MPP7: variants seen among roughly 807,000 people sequenced by gnomAD.
MPP7 encodes MAGUK p55 subfamily member 7.
MPP7 carries 60 observed loss-of-function variants against 76.5 expected under a neutral mutation model. The ratio of observed to expected loss-of-function variants is 0.78; its 90% CI spans 0.64 to 0.97. The LOEUF (loss-of-function observed/expected upper bound fraction) is 0.97, where lower values mean the gene tolerates loss of function less well. Ranked by LOEUF, MPP7 falls within the 50% of genes least tolerant of loss-of-function variation. The pLI is 0.00. For missense variants in MPP7, 641 were observed against 694.0 expected (o/e 0.92, Z 0.86); for synonymous variants, 237 against 244.5 (o/e 0.97, Z 0.29).
rs1404883423 is a variant in MPP7, at chr10:28,120,640, T to C, written c.644A>G (p.Lys215Arg). 3 of 1,613,688 alleles carry C rather than the reference T, an allele frequency of 1.9e-6. No homozygotes were observed. Among genetic ancestry groups the C allele is most frequent in the Non-Finnish European group, 2.5e-6 (3 of 1,179,854 alleles). Residue 215 changes from lysine to arginine, a missense_variant, in exon 9 of 17, where the codon AAG (lysine) becomes AGG (arginine). Coordinates refer to ENST00000683449, the MANE Select transcript of MPP7 (RefSeq NM_001318170.2). ...CTCCTCTTTGCTGCCGGGTATAATCTTAAATGTAATTGCTCCCTGAGACTG... is the reference window on the plus strand; with the variant it reads ...CTCCTCTTTGCTGCCGGGTATAATCCTAAATGTAATTGCTCCCTGAGACTG... ...LAQSQGAITF[K>R]IIPGSKEETP...
chr10:28,309,303 A>C (rs919940713), intron 2 of MPP7, among the ~76,000 whole-genome samples: 24 of 151,750 alleles, frequency 1.6e-4, no homozygotes, highest in African/African-American at 5.3e-4. Flanking sequence ...AGTCCCAGCT[A>C]CTCAGGAGGC....
In MPP7 at chr10:28,123,394, G is replaced by C. The variant is rs200437390; in HGVS notation, c.615+637C>G. ...CAATGGGAGGAAGACAAAGATAAAT[G>C]CATCACCAGCCACAGTGTAGATGCC... is the stretch of plus-strand genomic sequence containing the variant. On this transcript the variant is annotated intron_variant, in intron 8 of 16. Coordinates refer to ENST00000683449, the MANE Select transcript of MPP7 (RefSeq NM_001318170.2). Among the ~76,000 whole-genome samples the C allele has an allele frequency of 4.0e-5, 6 of 151,468 alleles. No individual in the cohort carries two copies. The East Asian group carries it at 1.2e-3, about 29-fold the overall frequency.
At chr10:28,317,187 T>C (rs1345950196) in intron 2 of MPP7, among the ~76,000 whole-genome samples, 1 of 152,178 alleles carries the variant, frequency 6.6e-6, no homozygotes, top group Admixed American at 6.5e-5. Flanking sequence ...AAAGCTTCTA[T>C]GCTAATCCCA....
rs867019253 is a variant in MPP7 at position 28,199,020 on chromosome 10, T to C, written c.156+3133A>G. On this transcript the variant is annotated intron_variant, in intron 3 of 16. Coordinates refer to ENST00000683449, the MANE Select transcript of MPP7 (RefSeq NM_001318170.2). ...TAATGGACTCACAGTTCCATGCGGC[T>C]GGGGAAGCATCACACTCATGGCAGA... Among the ~76,000 whole-genome samples, 6 of 152,284 alleles carry C rather than the reference T, an allele frequency of 3.9e-5. 1 individual carries two copies. Among genetic ancestry groups the C allele is most frequent in the Middle Eastern group, 6.8e-3 (2 of 294 alleles).
intron 11 of MPP7, among the ~76,000 whole-genome samples, chr10:28,098,601 CAAATG>C (rs1424570573): frequency 4.6e-5 from 7 of 151,222 alleles, no homozygotes; most frequent in Admixed American, 3.9e-4. Context: ...GAACCAACAA[CAAATG>C]AAATGAACAA....
At chr10:28,278,677 A>G (rs144304579) in intron 1 of MPP7, among the ~76,000 whole-genome samples, 2 of 152,202 alleles carry the variant, frequency 1.3e-5, no homozygotes, top group East Asian at 3.9e-4. Context: ...ATATTCATAT[A>G]TAGTAAAAGT....
intron 2 of MPP7, among the ~76,000 whole-genome samples, chr10:28,313,589 A>T (rs1462964760): frequency 6.6e-6 from 1 of 152,216 alleles, no homozygotes; most frequent in East Asian, 1.9e-4. Context: ...GATATACATA[A>T]TATAGCTGAA....
intron 11 of MPP7, chr10:28,119,187 A>C (rs2133601695): frequency 2.5e-6 from 1 of 395,492 alleles, no homozygotes; most frequent in Admixed American, 6.4e-5. Flanking sequence ...GGATAGGCTA[A>C]AGGTCAGAAG....
At chr10:28,154,865 G>A (rs560378610) in intron 3 of MPP7, among the ~76,000 whole-genome samples, 315 of 151,858 alleles carry the variant, frequency 2.1e-3, no homozygotes, top group African/African-American at 7.3e-3. Context: ...ACAATTATGA[G>A]AGCTGCCATT....
chr10:28,247,490 T>G (rs1333116492), intron 1 of MPP7, among the ~76,000 whole-genome samples: 3 of 152,180 alleles, frequency 2.0e-5, no homozygotes, highest in Non-Finnish European at 4.4e-5. Flanking sequence ...CAGACAGTGA[T>G]AAAAGGAAAT....
rs565102774 is a variant in MPP7, at chr10:28,203,531, C to T, written c.38-1260G>A. 1.9e-3 allele frequency among the ~76,000 whole-genome samples: 272 copies of T among 145,944 alleles called. 1 individual carries two copies. The highest frequency in any genetic ancestry group is 6.7e-3 in the African/African-American group (261 of 39,246). On this transcript the variant is annotated intron_variant, in intron 2 of 16. Coordinates refer to ENST00000683449, the MANE Select transcript of MPP7 (RefSeq NM_001318170.2). Reference sequence around the variant, plus strand: ...AAAAAAAAAAACCTTCTCTCAATTACATTCTGAAGTATTCTTGGTATTTTA... The same window carrying T: ...AAAAAAAAAAACCTTCTCTCAATTATATTCTGAAGTATTCTTGGTATTTTA...
chr10:28,321,730 A>C (rs1236600028), intron 2 of MPP7, among the ~76,000 whole-genome samples: 1 of 152,058 alleles, frequency 6.6e-6, no homozygotes, highest in Non-Finnish European at 1.5e-5. Context: ...GACTACAAGC[A>C]TGTGCCACCA....
chr10:28,204,591 C>T (rs1360300822), intron 2 of MPP7, among the ~76,000 whole-genome samples: 1 of 152,076 alleles, frequency 6.6e-6, no homozygotes, highest in Non-Finnish European at 1.5e-5. Context: ...TATAATTATG[C>T]AAGATGCTAC....
At chr10:28,186,863 A>G (rs946294384) in intron 3 of MPP7, among the ~76,000 whole-genome samples, 7 of 152,214 alleles carry the variant, frequency 4.6e-5, no homozygotes, top group African/African-American at 9.6e-5. Context: ...ACTGTTAGGT[A>G]TAATACCTAG....
intron 1 of MPP7, among the ~76,000 whole-genome samples, chr10:28,246,399 G>C (rs576294521): frequency 6.6e-6 from 1 of 152,134 alleles, no homozygotes; most frequent in African/African-American, 2.4e-5. Context: ...ATAAACAAAA[G>C]CTGAGGGAGT....
chr10:28,212,165 T>C (rs1238315513), intron 2 of MPP7, among the ~76,000 whole-genome samples: 4 of 151,136 alleles, frequency 2.6e-5, no homozygotes, highest in Admixed American at 2.6e-4. Context: ...GGCTGCTGAA[T>C]TGAGAACAGA....
chr10:28,199,560 A>G (rs139226785), intron 3 of MPP7, among the ~76,000 whole-genome samples: 100 of 152,066 alleles, frequency 6.6e-4, no homozygotes, highest in African/African-American at 2.4e-3. Context: ...ATTTTTTCCT[A>G]GTCCAAAGAG....
At chr10:28,195,300 T>A (rs1837543745) in intron 3 of MPP7, among the ~76,000 whole-genome samples, 1 of 152,184 alleles carries the variant, frequency 6.6e-6, no homozygotes, top group Non-Finnish European at 1.5e-5. Context: ...GGTGGGAATA[T>A]AAAATGGTTC....
intron 3 of MPP7, among the ~76,000 whole-genome samples, chr10:28,197,960 G>A (rs1377934448): frequency 6.6e-6 from 1 of 152,112 alleles, no homozygotes; most frequent in Non-Finnish European, 1.5e-5. Context: ...GATGTTACAG[G>A]GGTCTGAGTA....
Sources: allele counts gnomAD v4.1 joint callset (sites outside exome capture counted in the v4.1 genomes callset), GRCh38; gene constraint gnomAD v4.1.1; transcripts MANE v1.5; gene names NCBI Gene and HGNC (gene_info 2026-07-23, HGNC 2026-07-21).